ANKS1B: variants seen among roughly 807,000 people sequenced by gnomAD.
ANKS1B encodes ankyrin repeat and sterile alpha motif domain containing 1B.
In ANKS1B, 36 loss-of-function variants were observed where a neutral mutation model predicts 148.3. That is an observed-to-expected ratio of 0.24 (90% CI 0.19 to 0.32). The LOEUF (loss-of-function observed/expected upper bound fraction) is 0.32. ANKS1B is among the 10% of genes least tolerant of loss of function. The pLI, the probability that ANKS1B is intolerant of heterozygous loss-of-function variation, is 1.00. For synonymous variants in ANKS1B, 542 were observed against 560.8 expected (o/e 0.97, Z 0.47); for missense variants, 1,157 against 1,542.6 (o/e 0.75, Z 4.19).
intron 6 of ANKS1B, among the ~76,000 whole-genome samples, chr12:99,776,847 AT>A (rs902740740): frequency 6.7e-6 from 1 of 150,148 alleles, no homozygotes; most frequent in Non-Finnish European, 1.5e-5. Context: ...CACCCGGCTC[AT>A]TTTTTTTTGT....
intron 8 of ANKS1B, among the ~76,000 whole-genome samples, chr12:99,766,216 C>T (rs2062631701): frequency 1.3e-5 from 2 of 152,112 alleles, no homozygotes; most frequent in African/African-American, 4.8e-5. Flanking sequence ...ACATTCAAGG[C>T]ACCGTGTGAG....
chr12:99,920,794 C>T (rs1189955669), intron 1 of ANKS1B, among the ~76,000 whole-genome samples: 1 of 152,066 alleles, frequency 6.6e-6, no homozygotes, highest in Non-Finnish European at 1.5e-5. Context: ...AACAAATTTG[C>T]CCTTCCTCCA....
chr12:99,500,897 G>A (rs989653431), intron 10 of ANKS1B, among the ~76,000 whole-genome samples: 3 of 152,068 alleles, frequency 2.0e-5, no homozygotes, highest in African/African-American at 7.2e-5. Flanking sequence ...TATCTTTCAA[G>A]TCTCTCAGCT....
rs547871134 is a variant in ANKS1B at position 99,556,327 on chromosome 12, T to C, written c.1273-51686A>G. Among the ~76,000 whole-genome samples, 13 of 152,282 alleles carry C rather than the reference T, an allele frequency of 8.5e-5. No individual in the cohort carries two copies. The East Asian group carries it at 2.3e-3, about 27-fold the overall frequency. On this transcript the variant is annotated intron_variant, in intron 9 of 26. Coordinates refer to ENST00000683438, the MANE Select transcript of ANKS1B (RefSeq NM_001352186.2). Reference sequence around the variant, plus strand: ...TTTATTTGGATCTTCTCTCTTTTTTTCTTTAGTATTCCGGCTAGTGGGTCT... The same window carrying C: ...TTTATTTGGATCTTCTCTCTTTTTTCCTTTAGTATTCCGGCTAGTGGGTCT...
chr12:99,355,735 T>C (rs2091912413), intron 12 of ANKS1B, among the ~76,000 whole-genome samples: 1 of 152,190 alleles, frequency 6.6e-6, no homozygotes, highest in Non-Finnish European at 1.5e-5. Flanking sequence ...ACATTACATT[T>C]CTTCCCTCCC....
At chr12:99,690,889 T>C (rs1260283996) in intron 8 of ANKS1B, among the ~76,000 whole-genome samples, 1 of 152,226 alleles carries the variant, frequency 6.6e-6, no homozygotes, top group African/African-American at 2.4e-5. Context: ...CCCCACATTT[T>C]CCTTCCCTAC....
At chr12:99,460,276 A>G (rs529876111) in intron 10 of ANKS1B, among the ~76,000 whole-genome samples, 1 of 152,340 alleles carries the variant, frequency 6.6e-6, no homozygotes, top group Non-Finnish European at 1.5e-5. Flanking sequence ...AAGATGGATT[A>G]AAGACTTAAT....
intron 14 of ANKS1B, among the ~76,000 whole-genome samples, chr12:99,164,464 T>A (rs2077005418): frequency 6.6e-6 from 1 of 152,092 alleles, no homozygotes; most frequent in African/African-American, 2.4e-5. Context: ...GGTAACATTC[T>A]TATTCATTCT....
At chr12:99,955,798 G>C (rs2095313994) in intron 1 of ANKS1B, among the ~76,000 whole-genome samples, 1 of 151,836 alleles carries the variant, frequency 6.6e-6, no homozygotes, top group South Asian at 2.1e-4. Flanking sequence ...GGGGTGGGTG[G>C]CTTAAAAAAA....
At chr12:99,534,986 G>A (rs1405066156) in intron 9 of ANKS1B, among the ~76,000 whole-genome samples, 1 of 152,006 alleles carries the variant, frequency 6.6e-6, no homozygotes, top group Non-Finnish European at 1.5e-5. Context: ...TGGGATTACA[G>A]GCATGAGCCA....
chr12:99,302,684 C>G (rs1405324854), intron 12 of ANKS1B, among the ~76,000 whole-genome samples: 9 of 152,084 alleles, frequency 5.9e-5, no homozygotes, highest in Non-Finnish European at 1.3e-4. Context: ...TCAGTATCAT[C>G]TATCAAATAT....
At chr12:98,794,163 G>A (rs1481701779) in intron 22 of ANKS1B, among the ~76,000 whole-genome samples, 9 of 151,946 alleles carry the variant, frequency 5.9e-5, no homozygotes, top group East Asian at 1.9e-4. Context: ...AGGCCAAGGC[G>A]GGTGGATTAC....
intron 8 of ANKS1B, among the ~76,000 whole-genome samples, chr12:99,687,960 G>T (rs1205355597): frequency 1.3e-5 from 2 of 152,134 alleles, no homozygotes; most frequent in Non-Finnish European, 2.9e-5. Flanking sequence ...TAATTAATAT[G>T]CAGATCAGTT....
chr12:99,065,792 GC>G (rs1202248351), intron 16 of ANKS1B, among the ~76,000 whole-genome samples: 1 of 152,176 alleles, frequency 6.6e-6, no homozygotes, highest in Non-Finnish European at 1.5e-5. Context: ...ATATGAAGGT[GC>G]CAGTCCTTGT....
chr12:99,685,291 C>T (rs1193828016), intron 8 of ANKS1B, among the ~76,000 whole-genome samples: 2 of 152,042 alleles, frequency 1.3e-5, no homozygotes, highest in Non-Finnish European at 2.9e-5. Context: ...AGACAATTCT[C>T]AAAAGAAGAT....
At chr12:99,489,504 T>A (rs2096535415) in intron 10 of ANKS1B, among the ~76,000 whole-genome samples, 1 of 152,230 alleles carries the variant, frequency 6.6e-6, no homozygotes. Context: ...TTAGTAGCTA[T>A]GCTAAAAATT....
At position 98,744,482 on chromosome 12, in the gene ANKS1B, T is replaced by C. The variant is rs80297723; in HGVS notation, c.*1257A>G. 1.0e-3 allele frequency: 661 copies of C among 658,978 alleles called. 5 individuals carry two copies. In the African/African-American group the frequency reaches 0.012, roughly 12 times the overall value. 40.8% of individuals were successfully genotyped at this position (658,978 alleles called of 1,614,324 possible). A position where few individuals can be genotyped will look rare whatever the true frequency, so the allele number is the denominator to read the frequency against. On this transcript the variant is annotated 3_prime_UTR_variant, in exon 27 of 27. Transcript: ENST00000683438. ...CAATATACATTAAAATGTTATTTTT[T>C]TCTATAATGATATTGGTACTGTTTA...
intron 17 of ANKS1B, chr12:98,895,338 G>A: frequency 1.0e-6 from 1 of 982,866 alleles, no homozygotes; most frequent in Non-Finnish European, 1.2e-6. Context: ...CCGGGAGGCC[G>A]CCGGGGCGGT....
At chr12:99,490,399 T>C (rs940322453) in intron 10 of ANKS1B, among the ~76,000 whole-genome samples, 2 of 152,382 alleles carry the variant, frequency 1.3e-5, no homozygotes, top group Non-Finnish European at 2.9e-5. Flanking sequence ...TGACATCTGA[T>C]GATAAATGTG....
Sources: allele counts gnomAD v4.1 joint callset (sites outside exome capture counted in the v4.1 genomes callset), GRCh38; gene constraint gnomAD v4.1.1; transcripts MANE v1.5; gene names NCBI Gene and HGNC (gene_info 2026-07-23, HGNC 2026-07-21).